Variants in RRAGB observed in about 807,000 individuals in gnomAD.
The protein encoded by RRAGB is ras-related GTP-binding protein B.
Under a neutral mutation model 29.3 loss-of-function variants are expected in RRAGB, and 6 were observed. That is an observed-to-expected ratio of 0.21 (90% CI 0.11 to 0.40). The LOEUF is 0.40. Ranked by LOEUF, RRAGB falls within the 10% of genes least tolerant of loss-of-function variation. RRAGB has a pLI of 1.00. For missense variants in RRAGB, 184 were observed against 272.9 expected (o/e 0.67, Z 2.29); for synonymous variants, 101 against 92.5 (o/e 1.09, Z -0.53).
intron 5 of RRAGB, among the ~76,000 whole-genome samples, chrX:55,750,484 C>G (rs1286398206): frequency 9.0e-6 from 1 of 111,223 alleles, no homozygotes; most frequent in Non-Finnish European, 1.9e-5. Flanking sequence ...CAGAATAATA[C>G]TCAGAGTCTA....
chrX:55,725,871 C>A (rs980449585), intron 3 of RRAGB, among the ~76,000 whole-genome samples: 1 of 111,012 alleles, frequency 9.0e-6, no homozygotes, highest in Non-Finnish European at 1.9e-5. Context: ...AAAAAAAAAT[C>A]TTTATCATAG....
At position 55,748,722 on chromosome X, in the gene RRAGB, C is replaced by A. The variant is rs2034361693; in HGVS notation, c.517-2379C>A. ...GAGCGTCTCCGCCCGGCAGCCACCC[C>A]ATCCGGGAGGGAGGTGGGGGTCAGC... On this transcript the variant is annotated intron_variant, in intron 5 of 9. Transcript: ENST00000374941. 2.7e-5 allele frequency among the ~76,000 whole-genome samples: 3 copies of A among 112,039 alleles called. No individual in the cohort carries two copies. The South Asian group carries it at 1.1e-3, about 42-fold the overall frequency.
intron 1 of RRAGB, 57 bp downstream of exon 1, chrX:55,718,476 A>G: frequency 2.6e-6 from 2 of 769,047 alleles, no homozygotes; most frequent in South Asian, 5.8e-5. Flanking sequence ...TGAAGAGAGT[A>G]TTGTGAATTA....
Position 55,755,999 on chromosome X carries a change from A to G in RRAGB, c.827+67A>G, listed in dbSNP as rs1022613399. 75 of 750,709 alleles carry G rather than the reference A, an allele frequency of 1.0e-4. No individual in the cohort carries two copies. In the Middle Eastern group the frequency reaches 2.9e-3, roughly 29 times the overall value. The allele number at this position is 750,709 out of a possible 1,213,427, so 61.9% of individuals were successfully genotyped here. On this transcript the variant is annotated intron_variant, in intron 8 of 9. Transcript: ENST00000374941. ...AATTATTGTCATTTTTTAGAAGTTC[A>G]AATAACTATAGTTAACTGTACTTCT...
At chrX:55,750,181 CGTATGT>C (rs1238680210) in intron 5 of RRAGB, among the ~76,000 whole-genome samples, 13 of 50,626 alleles carry the variant, frequency 2.6e-4, no homozygotes, top group Admixed American at 1.4e-3. Flanking sequence ...TACATACATA[CGTATGT>C]GTGTGTGTGT....
chrX:55,736,712 T>G (rs2033876851), intron 5 of RRAGB, among the ~76,000 whole-genome samples: 1 of 111,957 alleles, frequency 8.9e-6, no homozygotes, highest in Non-Finnish European at 1.9e-5. Flanking sequence ...CACCTAGCTT[T>G]GGCTCTGGGT....
intron 6 of RRAGB, 24 bp from the exon 7 acceptor site, chrX:55,753,368 T>A (rs1035601809): frequency 1.7e-6 from 2 of 1,176,046 alleles, no homozygotes; most frequent in Non-Finnish European, 2.3e-6. Context: ...TTAATAATAG[T>A]ACACTGTGTT....
At chrX:55,737,509 G>C (rs758907550) in intron 5 of RRAGB, among the ~76,000 whole-genome samples, 2 of 112,427 alleles carry the variant, frequency 1.8e-5, no homozygotes, top group Non-Finnish European at 3.8e-5. Flanking sequence ...CACTGGAGCT[G>C]CCTGACTGCT....
intron 6 of RRAGB, among the ~76,000 whole-genome samples, chrX:55,752,912 T>C (rs1569255855): frequency 1.8e-5 from 2 of 111,834 alleles, no homozygotes. Context: ...ATTATTCTAT[T>C]GAGGGGAGGG....
At chrX:55,758,126 G>C (rs1771739935) in intron 9 of RRAGB, 120 bp from the exon 10 acceptor site, 1 of 388,462 alleles carries the variant, frequency 2.6e-6, no homozygotes, top group Admixed American at 4.6e-5. Context: ...TCCTATTCCT[G>C]TATGTTCTCT....
chrX:55,750,182 GTA>G (rs1270697291), intron 5 of RRAGB, among the ~76,000 whole-genome samples: 27 of 37,712 alleles, frequency 7.2e-4, no homozygotes, highest in Admixed American at 1.3e-3. Context: ...ACATACATAC[GTA>G]TGTGTGTGTG....
chrX:55,754,873 C>T (rs188200947), intron 7 of RRAGB, among the ~76,000 whole-genome samples: 2 of 111,583 alleles, frequency 1.8e-5, no homozygotes, highest in East Asian at 5.6e-4. Context: ...ATTGTGCTAC[C>T]CTGAGCCTGT....
intron 3 of RRAGB, among the ~76,000 whole-genome samples, chrX:55,723,725 T>TTTTTTTA (rs2033377395): frequency 9.1e-6 from 1 of 109,789 alleles, no homozygotes; most frequent in Non-Finnish European, 1.9e-5. Flanking sequence ...TCCAGCTAAT[T>TTTTTTTA]TTTTTTATTT....
chrX:55,755,262 A>G (rs1234926301), intron 7 of RRAGB: 3 of 748,676 alleles, frequency 4.0e-6, no homozygotes, highest in African/African-American at 2.3e-5. Context: ...TATTCAGCCT[A>G]TAGGTAATAC....
intron 7 of RRAGB, chrX:55,755,538 A>G (rs1455488369): frequency 2.7e-6 from 2 of 737,778 alleles, no homozygotes; most frequent in African/African-American, 4.7e-5. Flanking sequence ...CCATCATGCG[A>G]AATATTGAAA....
intron 5 of RRAGB, among the ~76,000 whole-genome samples, chrX:55,748,085 G>A (rs2034317974): frequency 8.9e-6 from 1 of 112,746 alleles, no homozygotes; most frequent in Non-Finnish European, 1.9e-5. Context: ...GGCGGGGCTG[G>A]TCTCCAGCTC....
chrX:55,744,105 T>C (rs1003062028), intron 5 of RRAGB, among the ~76,000 whole-genome samples: 1 of 110,076 alleles, frequency 9.1e-6, no homozygotes, highest in African/African-American at 3.3e-5. Flanking sequence ...GAGGGTAGTA[T>C]AGGCCGGACA....
chrX:55,718,142 T>G lies in RRAGB; in HGVS notation c.-186T>G, dbSNP rs1430869179. The G allele has an allele frequency of 6.2e-6, 2 of 324,104 alleles. No individual in the cohort carries two copies. Among genetic ancestry groups the G allele is most frequent in the African/African-American group, 2.6e-5 (1 of 37,891 alleles). 26.7% of individuals were successfully genotyped at this position (324,104 alleles called of 1,213,427 possible). ...GTGCCTTGAGGCCAGGTTCGAGAGA[T>G]AAAGGTAACCGTGGGGAAAGCGGCC... On this transcript the variant is annotated 5_prime_UTR_variant, in exon 1 of 10. Coordinates refer to ENST00000374941, the MANE Select transcript of RRAGB (RefSeq NM_006064.5).
At chrX:55,751,237 A>T in intron 6 of RRAGB, 41 bp downstream of exon 6, 1 of 724,322 alleles carries the variant, frequency 1.4e-6, no homozygotes. Flanking sequence ...TAAGAGCATG[A>T]AAAAAAACCT....
Sources: allele counts gnomAD v4.1 joint callset (sites outside exome capture counted in the v4.1 genomes callset), GRCh38; gene constraint gnomAD v4.1.1; transcripts MANE v1.5; gene names NCBI Gene and HGNC (gene_info 2026-07-23, HGNC 2026-07-21).